Variants in SH3PXD2A observed in about 807,000 individuals in gnomAD.
SH3PXD2A encodes SH3 and PX domains 2A.
A neutral mutation model predicts 115.2 loss-of-function variants in SH3PXD2A; 32 were observed. The ratio of observed to expected loss-of-function variants is 0.28; its 90% CI spans 0.21 to 0.37. The LOEUF (loss-of-function observed/expected upper bound fraction) is 0.37, where lower values mean the gene tolerates loss of function less well. Ranked by LOEUF, SH3PXD2A falls within the 10% of genes least tolerant of loss-of-function variation. The pLI, the probability that SH3PXD2A is intolerant of heterozygous loss-of-function variation, is 1.00. For synonymous variants in SH3PXD2A, 610 were observed against 629.1 expected (o/e 0.97, Z 0.45); for missense variants, 1,328 against 1,498.7 (o/e 0.89, Z 1.88).
chr10:103,714,567 C>G (rs1281350398), intron 5 of SH3PXD2A, among the ~76,000 whole-genome samples: 2 of 152,244 alleles, frequency 1.3e-5, no homozygotes, highest in Non-Finnish European at 2.9e-5. Flanking sequence ...GCCAATGCCC[C>G]TTTCAAGTGG....
chr10:103,653,362 T>C (rs1216524505), intron 8 of SH3PXD2A, among the ~76,000 whole-genome samples: 1 of 152,140 alleles, frequency 6.6e-6, no homozygotes, highest in African/African-American at 2.4e-5. Context: ...TAGAAACCTG[T>C]TTGTCCCCCA....
chr10:103,632,908 A>AGGTTGC (rs2036802718), intron 8 of SH3PXD2A, among the ~76,000 whole-genome samples: 1 of 151,982 alleles, frequency 6.6e-6, no homozygotes, highest in East Asian at 1.9e-4. Context: ...CTGGAGGTAG[A>AGGTTGC]GGTTGCGGTG....
intron 3 of SH3PXD2A, chr10:103,753,940 G>C (rs2038609591): frequency 6.6e-6 from 1 of 152,162 alleles, no homozygotes. Flanking sequence ...CTGGTAACAA[G>C]ACCACATAGG....
intron 13 of SH3PXD2A, among the ~76,000 whole-genome samples, chr10:103,606,500 C>T (rs1451499356): frequency 2.6e-4 from 37 of 144,756 alleles, no homozygotes; most frequent in Admixed American, 1.7e-3. Flanking sequence ...CCTCTCCCCA[C>T]GGTCTCCCTC....
At position 103,598,111 on chromosome 10, in the gene SH3PXD2A, A is replaced by G. The variant is rs1005373030; in HGVS notation, c.*3705T>C. On this transcript the variant is annotated 3_prime_UTR_variant, in exon 15 of 15. Coordinates refer to ENST00000369774, the MANE Select transcript of SH3PXD2A (RefSeq NM_001394015.1). ...GCTCTAACATCTGAAAGTGATTAAA[A>G]TGATTCTATATAATGCCTTCGTCAA... 2 of 152,702 alleles carry G rather than the reference A, an allele frequency of 1.3e-5. No homozygotes were observed. Among genetic ancestry groups the G allele is most frequent in the African/African-American group, 4.8e-5 (2 of 41,470 alleles). The allele number at this position is 152,702 out of a possible 1,614,324, so 9.5% of individuals were successfully genotyped here.
rs2036190856 is a variant in SH3PXD2A, at chr10:103,599,882, C to G, written c.*1934G>C. 6.6e-6 allele frequency: 1 copy of G among 152,598 alleles called. No homozygotes were observed. Among genetic ancestry groups the G allele is most frequent in the African/African-American group, 2.4e-5 (1 of 41,434 alleles). 9.5% of individuals were successfully genotyped at this position (152,598 alleles called of 1,614,324 possible). ...AACAAAAGGAAACAAAACAATCTCA[C>G]CACAGGCCTTCGACAAAGAACACGA... On this transcript the variant is annotated 3_prime_UTR_variant, in exon 15 of 15. Coordinates refer to ENST00000369774, the MANE Select transcript of SH3PXD2A (RefSeq NM_001394015.1).
chr10:103,824,995 T>C (rs2039416045), intron 1 of SH3PXD2A, among the ~76,000 whole-genome samples: 1 of 152,136 alleles, frequency 6.6e-6, no homozygotes. Flanking sequence ...AGAGATAGGG[T>C]TTCGCCAAGT....
At chr10:103,677,404 C>T (rs978624176) in intron 6 of SH3PXD2A, among the ~76,000 whole-genome samples, 2 of 152,110 alleles carry the variant, frequency 1.3e-5, no homozygotes, top group Admixed American at 6.5e-5. Flanking sequence ...GTCCTGGAGG[C>T]CTTGAAGGTA....
At chr10:103,638,990 G>A (rs7898267) in intron 8 of SH3PXD2A, among the ~76,000 whole-genome samples, 22,502 of 152,158 alleles carry the variant, frequency 0.15, 2,005 homozygotes, top group Middle Eastern at 0.24. Flanking sequence ...GGTGGGGGTC[G>A]GAGACAGGTT....
rs1465322567 is a variant in SH3PXD2A at position 103,599,425 on chromosome 10, C to G, written c.*2391G>C. 2 of 152,682 alleles carry G rather than the reference C, an allele frequency of 1.3e-5. No individual in the cohort carries two copies. The highest frequency in any genetic ancestry group is 2.4e-5 in the African/African-American group (1 of 41,452). 9.5% of individuals were successfully genotyped at this position (152,682 alleles called of 1,614,324 possible). A position where few individuals can be genotyped will look rare whatever the true frequency, so the allele number is the denominator to read the frequency against. On this transcript the variant is annotated 3_prime_UTR_variant, in exon 15 of 15. Transcript: ENST00000369774. ...CCTGGCCTGGCTGGCGCACTAGTGA[C>G]TGAACTGGCTCAGTGCAGACATCTG...
At chr10:103,622,423 A>C in intron 10 of SH3PXD2A, 47 bp downstream of exon 10, 1 of 1,225,450 alleles carries the variant, frequency 8.2e-7, no homozygotes, top group Non-Finnish European at 1.2e-6. Context: ...TGTTAGCGAG[A>C]GACAGGCGGT....
chr10:103,824,701 C>T (rs142875070), intron 1 of SH3PXD2A, among the ~76,000 whole-genome samples: 9 of 152,258 alleles, frequency 5.9e-5, no homozygotes, highest in African/African-American at 1.9e-4. Flanking sequence ...GCCCTCCTAC[C>T]CTGCTCTCAT....
intron 8 of SH3PXD2A, among the ~76,000 whole-genome samples, chr10:103,643,837 C>T (rs1030766849): frequency 9.2e-5 from 14 of 152,144 alleles, no homozygotes; most frequent in Non-Finnish European, 1.6e-4. Context: ...CCAGGCCAGG[C>T]GCGGTGGCTC....
intron 2 of SH3PXD2A, among the ~76,000 whole-genome samples, chr10:103,797,753 G>A (rs892429974): frequency 1.3e-5 from 2 of 151,918 alleles, no homozygotes; most frequent in African/African-American, 4.8e-5. Flanking sequence ...GGGTGGGGAA[G>A]GGCTGTGCTG....
intron 2 of SH3PXD2A, among the ~76,000 whole-genome samples, chr10:103,789,501 C>T (rs1297179491): frequency 6.6e-6 from 1 of 151,926 alleles, no homozygotes; most frequent in African/African-American, 2.4e-5. Context: ...GACCTGGTCA[C>T]ACCTGAAGCT....
At chr10:103,728,876 G>GTTTT (rs11399791) in intron 4 of SH3PXD2A, among the ~76,000 whole-genome samples, 6 of 142,710 alleles carry the variant, frequency 4.2e-5, no homozygotes, top group African/African-American at 1.1e-4. Context: ...GCAAAGAGTT[G>GTTTT]TTTTTTTTGT....
intron 2 of SH3PXD2A, among the ~76,000 whole-genome samples, chr10:103,773,629 C>T (rs1412623069): frequency 2.0e-5 from 3 of 151,590 alleles, no homozygotes; most frequent in African/African-American, 4.8e-5. Flanking sequence ...TTAGTAGAGA[C>T]GGGGTTTCAC....
At chr10:103,741,147 G>C (rs540888778) in intron 3 of SH3PXD2A, among the ~76,000 whole-genome samples, 37 of 152,300 alleles carry the variant, frequency 2.4e-4, no homozygotes, top group African/African-American at 8.9e-4. Context: ...AGCCTTCAAG[G>C]AGAAAAAGCA....
At chr10:103,772,951 C>T (rs1384378091) in intron 2 of SH3PXD2A, among the ~76,000 whole-genome samples, 4 of 152,198 alleles carry the variant, frequency 2.6e-5, no homozygotes, top group Non-Finnish European at 4.4e-5. Context: ...CAGCCGGGCG[C>T]GGTGGCTCAC....
Sources: gnomAD v4.1 joint callset for allele counts (sites outside exome capture counted in the v4.1 genomes callset) on GRCh38, gnomAD v4.1.1 for gene constraint, MANE v1.5 for transcripts, NCBI Gene and HGNC (gene_info 2026-07-23, HGNC 2026-07-21) for gene names.